Variants in TRIM13 observed in about 807,000 individuals in gnomAD.
TRIM13 encodes the protein tripartite motif containing 13.
In TRIM13, 15 loss-of-function variants were observed where a neutral mutation model predicts 27.1. The observed-to-expected ratio is 0.55, with a 90% CI of 0.37 to 0.85. The LOEUF (loss-of-function observed/expected upper bound fraction) is 0.85, where lower values mean the gene tolerates loss of function less well. Ranked by LOEUF, TRIM13 falls within the 40% of genes least tolerant of loss-of-function variation. The pLI, the probability that TRIM13 is intolerant of heterozygous loss-of-function variation, is 0.00. For missense variants in TRIM13, 402 were observed against 472.2 expected (o/e 0.85, Z 1.38); for synonymous variants, 193 against 171.5 (o/e 1.13, Z -0.98).
chr13:50,002,155 CA>C (rs1333445464), intron 1 of TRIM13, among the ~76,000 whole-genome samples: 4 of 151,974 alleles, frequency 2.6e-5, no homozygotes, highest in Non-Finnish European at 5.9e-5. Context: ...TTTGGGAGGC[CA>C]AGGCAGGAAG....
chr13:50,009,736 C>CAA (rs35561642), intron 1 of TRIM13, among the ~76,000 whole-genome samples: 1,085 of 101,014 alleles, frequency 0.011, 19 homozygotes, highest in Admixed American at 0.046. Context: ...GACTCCGTCT[C>CAA]AAAAAAAAAA....
intron 1 of TRIM13, among the ~76,000 whole-genome samples, chr13:50,004,483 C>G (rs1874423096): frequency 6.6e-6 from 1 of 152,098 alleles, no homozygotes; most frequent in South Asian, 2.1e-4. Flanking sequence ...ACAAAACAGA[C>G]TGGGCACACT....
rs757792566 is a variant in TRIM13 at position 50,017,568 on chromosome 13, A to T, written c.*4404A>T. 6.0e-6 allele frequency: 1 copy of T among 167,022 alleles called. No individual in the cohort carries two copies. The highest frequency in any genetic ancestry group is 1.5e-5 in the Non-Finnish European group (1 of 68,108). 10.3% of individuals were successfully genotyped at this position (167,022 alleles called of 1,614,324 possible). A position where few individuals can be genotyped will look rare whatever the true frequency, so the allele number is the denominator to read the frequency against. ...AAAATCAGAAGCTATTTTTAAAATT[A>T]GCATTTTCTTGCATCACCAAATGGT... On this transcript the variant is annotated 3_prime_UTR_variant, in exon 2 of 2. Coordinates refer to ENST00000378182, the MANE Select transcript of TRIM13 (RefSeq NM_213590.3).
intron 1 of TRIM13, among the ~76,000 whole-genome samples, chr13:50,007,567 G>C (rs1874933850): frequency 6.6e-6 from 1 of 150,708 alleles, no homozygotes; most frequent in Non-Finnish European, 1.5e-5. Context: ...GATTGCCTGG[G>C]GTCAGGAGTT....
chr13:50,002,038 C>G (rs1302370942), intron 1 of TRIM13, among the ~76,000 whole-genome samples: 1 of 151,968 alleles, frequency 6.6e-6, no homozygotes, highest in Non-Finnish European at 1.5e-5. Context: ...TGTCAGTCTC[C>G]TCACAGGTCT....
Position 50,013,372 on chromosome 13 carries a change from T to A in TRIM13, c.*208T>A, listed in dbSNP as rs1390943906. The A allele has an allele frequency of 2.2e-6, 1 of 448,074 alleles. No homozygotes were observed. Among genetic ancestry groups the A allele is most frequent in the Non-Finnish European group, 3.9e-6 (1 of 253,508 alleles). The allele number at this position is 448,074 out of a possible 1,614,324, so 27.8% of individuals were successfully genotyped here. A position where few individuals can be genotyped will look rare whatever the true frequency, so the allele number is the denominator to read the frequency against. The stretch of plus-strand genomic sequence containing the variant: ...CTGAACCTTTTTTTGTTTAAAAGAG[T>A]GCTTTTGAAATAAGCATCCACCCCA... On this transcript the variant is annotated 3_prime_UTR_variant, in exon 2 of 2. Transcript: ENST00000378182.
At position 50,018,189 on chromosome 13, in the gene TRIM13, G is replaced by A. The variant is rs1876855085; in HGVS notation, c.*5025G>A. On this transcript the variant is annotated 3_prime_UTR_variant, in exon 2 of 2. Transcript: ENST00000378182. ...GTTTCCCCTATTTTGTCCTTTCTTT[G>A]TGTGCTTGAAATATTTTATTTTTCA... is the stretch of plus-strand genomic sequence containing the variant. 1 of 166,818 alleles carries A rather than the reference G, an allele frequency of 6.0e-6. No homozygotes were observed. The highest frequency in any genetic ancestry group is 2.1e-4 in the South Asian group (1 of 4,820). 10.3% of individuals were successfully genotyped at this position (166,818 alleles called of 1,614,324 possible). A position where few individuals can be genotyped will look rare whatever the true frequency, so the allele number is the denominator to read the frequency against.
intron 1 of TRIM13, among the ~76,000 whole-genome samples, chr13:50,002,783 C>T (rs1566433106): frequency 6.6e-6 from 1 of 152,066 alleles, no homozygotes; most frequent in Non-Finnish European, 1.5e-5. Context: ...CTGCCTCAGC[C>T]TCCCGAGTAG....
Position 49,997,463 on chromosome 13 carries a change from CG to C in TRIM13, c.-306del, listed in dbSNP as rs1873368131. On this transcript the variant is annotated 5_prime_UTR_variant, in exon 1 of 2. Coordinates refer to ENST00000378182, the MANE Select transcript of TRIM13 (RefSeq NM_213590.3). ...GTGTGGGCCTTAGGTTACAGCGCGC[CG>C]CCAGCGTTTGGTTGCATGGCGCCGG... 2 of 151,986 alleles carry C rather than the reference CG, an allele frequency of 1.3e-5. No homozygotes were observed. The highest frequency in any genetic ancestry group is 2.9e-5 in the Non-Finnish European group (2 of 68,046). 9.4% of individuals were successfully genotyped at this position (151,986 alleles called of 1,614,324 possible). A position where few individuals can be genotyped will look rare whatever the true frequency, so the allele number is the denominator to read the frequency against.
chr13:50,017,909 A>C lies in TRIM13; in HGVS notation c.*4745A>C, dbSNP rs1876809065. On this transcript the variant is annotated 3_prime_UTR_variant, in exon 2 of 2. Coordinates refer to ENST00000378182, the MANE Select transcript of TRIM13 (RefSeq NM_213590.3). ...GTCTGGTGTATCATTCACTTTATTC[A>C]GTTTGTTCTATCAATATGATTTACC... 2 of 167,118 alleles carry C rather than the reference A, an allele frequency of 1.2e-5. No individual in the cohort carries two copies. Among genetic ancestry groups the C allele is most frequent in the Middle Eastern group, 3.4e-3 (1 of 296 alleles). 10.4% of individuals were successfully genotyped at this position (167,118 alleles called of 1,614,324 possible).
At position 50,015,404 on chromosome 13, in the gene TRIM13, C is replaced by A; in HGVS notation, c.*2240C>A. 1 of 947,456 alleles carries A rather than the reference C, an allele frequency of 1.1e-6. No homozygotes were observed. Among genetic ancestry groups the A allele is most frequent in the Non-Finnish European group, 1.6e-6 (1 of 614,282 alleles). The allele number at this position is 947,456 out of a possible 1,614,324, so 58.7% of individuals were successfully genotyped here. On this transcript the variant is annotated 3_prime_UTR_variant, in exon 2 of 2. Coordinates refer to ENST00000378182, the MANE Select transcript of TRIM13 (RefSeq NM_213590.3). ...TGTTATTCTTCCCTCCCCTCCACTG[C>A]ATAATCATGTATAACTAGCAACATT...
Position 50,018,322 on chromosome 13 carries a change from TTA to T in TRIM13, c.*5160_*5161del, listed in dbSNP as rs1367564621. On this transcript the variant is annotated 3_prime_UTR_variant, in exon 2 of 2. Transcript: ENST00000378182. ...ATATACTATTTGTATCTTAATTCTT[TTA>T]TGAGATGTTCTGTAACATTTTTCTC... 6.0e-6 allele frequency: 1 copy of T among 166,742 alleles called. No individual in the cohort carries two copies. Among genetic ancestry groups the T allele is most frequent in the Non-Finnish European group, 1.5e-5 (1 of 68,118 alleles). The allele number at this position is 166,742 out of a possible 1,614,324, so 10.3% of individuals were successfully genotyped here.
rs1202016886 is a variant in TRIM13, at chr13:50,014,639, T to G, written c.*1475T>G. 3 of 166,704 alleles carry G rather than the reference T, an allele frequency of 1.8e-5. No homozygotes were observed. The highest frequency in any genetic ancestry group is 4.8e-5 in the African/African-American group (2 of 41,368). 10.3% of individuals were successfully genotyped at this position (166,704 alleles called of 1,614,324 possible). A position where few individuals can be genotyped will look rare whatever the true frequency, so the allele number is the denominator to read the frequency against. On this transcript the variant is annotated 3_prime_UTR_variant, in exon 2 of 2. Coordinates refer to ENST00000378182, the MANE Select transcript of TRIM13 (RefSeq NM_213590.3). ...TGCTGTTCTGTCTGCTCACAAGAGA[T>G]AAAGATACCCTCTCATGGAATAAAC...
Position 49,997,073 on chromosome 13 carries a change from C to A in TRIM13, c.-697C>A, listed in dbSNP as rs1343175346. 6.7e-6 allele frequency: 1 copy of A among 148,314 alleles called. No individual in the cohort carries two copies. The highest frequency in any genetic ancestry group is 2.5e-5 in the African/African-American group (1 of 39,846). The allele number at this position is 148,314 out of a possible 1,614,324, so 9.2% of individuals were successfully genotyped here. ...ATTTTGGGGCTGTGCTTGGCGCGTA[C>A]CGTGCGGTCCCTGTAGTTGGAGGAC... On this transcript the variant is annotated 5_prime_UTR_variant, in exon 1 of 2. Transcript: ENST00000378182.
rs1876536896 is a variant in TRIM13, at chr13:50,016,159, G to A, written c.*2995G>A. Reference sequence around the variant, plus strand: ...GAAGTTCCTCAGGCCTGTAACTTCTGGAAAAGATGATTATTCAAAATAATG... The same window carrying A: ...GAAGTTCCTCAGGCCTGTAACTTCTAGAAAAGATGATTATTCAAAATAATG... On this transcript the variant is annotated 3_prime_UTR_variant, in exon 2 of 2. Coordinates refer to ENST00000378182, the MANE Select transcript of TRIM13 (RefSeq NM_213590.3). 2.4e-6 allele frequency: 2 copies of A among 827,722 alleles called. No homozygotes were observed. Among genetic ancestry groups the A allele is most frequent in the African/African-American group, 3.7e-5 (2 of 54,654 alleles). 51.3% of individuals were successfully genotyped at this position (827,722 alleles called of 1,614,324 possible). A position where few individuals can be genotyped will look rare whatever the true frequency, so the allele number is the denominator to read the frequency against.
chr13:50,015,092 AAAATAT>A lies in TRIM13; in HGVS notation c.*1930_*1935del, dbSNP rs1876281996. 4.3e-5 allele frequency: 1 copy of A among 23,418 alleles called. No homozygotes were observed. The highest frequency in any genetic ancestry group is 9.3e-5 in the Non-Finnish European group (1 of 10,716). 1.5% of individuals were successfully genotyped at this position (23,418 alleles called of 1,614,324 possible). A position where few individuals can be genotyped will look rare whatever the true frequency, so the allele number is the denominator to read the frequency against. ...CCCAGTAATAAAAAAAAAAAAAAAAAAAATATATATATATATATATATATATATATA... is the reference window on the plus strand; with the variant it reads ...CCCAGTAATAAAAAAAAAAAAAAAAAATATATATATATATATATATATATA... On this transcript the variant is annotated 3_prime_UTR_variant, in exon 2 of 2. Transcript: ENST00000378182.
Position 50,013,283 on chromosome 13 carries a change from AAAT to A in TRIM13, c.*123_*125del. The stretch of plus-strand genomic sequence containing the variant: ...TTTCCTCCAAAAGTATTCCTTCCAA[AAAT>A]AATCTATACATGTTCAAATTAGGTA... On this transcript the variant is annotated 3_prime_UTR_variant, in exon 2 of 2. Coordinates refer to ENST00000378182, the MANE Select transcript of TRIM13 (RefSeq NM_213590.3). The A allele has an allele frequency of 9.4e-7, 1 of 1,065,266 alleles. No individual in the cohort carries two copies. Among genetic ancestry groups the A allele is most frequent in the Non-Finnish European group, 1.3e-6 (1 of 760,436 alleles). 66.0% of individuals were successfully genotyped at this position (1,065,266 alleles called of 1,614,324 possible).
chr13:50,002,488 A>G (rs1375239132), intron 1 of TRIM13, among the ~76,000 whole-genome samples: 1 of 152,182 alleles, frequency 6.6e-6, no homozygotes. Flanking sequence ...TAAACTCAAT[A>G]TGGTTTTTTA....
At chr13:50,008,724 C>T (rs1280955027) in intron 1 of TRIM13, among the ~76,000 whole-genome samples, 1 of 151,982 alleles carries the variant, frequency 6.6e-6, no homozygotes, top group Non-Finnish European at 1.5e-5. Flanking sequence ...TCTTAGGACA[C>T]TTTTACACTC....
Sources: gnomAD v4.1 joint callset for allele counts (sites outside exome capture counted in the v4.1 genomes callset) on GRCh38, gnomAD v4.1.1 for gene constraint, MANE v1.5 for transcripts, NCBI Gene and HGNC (gene_info 2026-07-23, HGNC 2026-07-21) for gene names.